PRKG1: variants seen among roughly 807,000 people sequenced by gnomAD.
PRKG1 encodes protein kinase cGMP-dependent 1.
PRKG1 carries 35 observed loss-of-function variants against 88.1 expected under a neutral mutation model. The ratio of observed to expected loss-of-function variants is 0.40; its 90% CI spans 0.30 to 0.53. The LOEUF (loss-of-function observed/expected upper bound fraction) is 0.53. Among genes scored for constraint, PRKG1 ranks in the 20% least tolerant of loss-of-function variants. PRKG1 has a pLI of 0.59. For synonymous variants in PRKG1, 303 were observed against 292.5 expected, an observed-to-expected ratio of 1.04 and a Z score of -0.37; for missense variants, 540 against 839.8, an observed-to-expected ratio of 0.64 and a Z score of 4.41.
chr10:52,175,791 T>G (rs1838848721), intron 9 of PRKG1, among the ~76,000 whole-genome samples: 1 of 152,190 alleles, frequency 6.6e-6, no homozygotes, highest in Non-Finnish European at 1.5e-5. Context: ...TTTGTATGTC[T>G]TCTGTTGAAA....
chr10:51,273,434 G>A (rs1445984453), intron 2 of PRKG1, among the ~76,000 whole-genome samples: 2 of 152,090 alleles, frequency 1.3e-5, no homozygotes, highest in Admixed American at 6.5e-5. Context: ...AGAGGTGGGA[G>A]GATCGCTGGA....
chr10:51,818,307 T>C (rs969707253), intron 4 of PRKG1, among the ~76,000 whole-genome samples: 4 of 152,300 alleles, frequency 2.6e-5, no homozygotes, highest in Admixed American at 2.6e-4. Context: ...GAGTCTTCAC[T>C]GTTTCTGACT....
At chr10:51,848,061 C>CA (rs938346772) in intron 4 of PRKG1, among the ~76,000 whole-genome samples, 35 of 428 alleles carry the variant, frequency 0.082, no homozygotes, top group African/African-American at 0.19. Flanking sequence ...AAGTGATAAC[C>CA]GGGGACCAAA....
intron 3 of PRKG1, among the ~76,000 whole-genome samples, chr10:51,573,061 C>T (rs1400166333): frequency 6.6e-6 from 1 of 151,814 alleles, no homozygotes; most frequent in Non-Finnish European, 1.5e-5. Context: ...ACTGATTAAA[C>T]TACAATCTCT....
At chr10:51,126,269 A>C (rs1392623739) in intron 1 of PRKG1, among the ~76,000 whole-genome samples, 1 of 114,276 alleles carries the variant, frequency 8.8e-6, no homozygotes, top group East Asian at 2.5e-4. Flanking sequence ...ATATTTATTT[A>C]TAATTATTTA....
intron 3 of PRKG1, among the ~76,000 whole-genome samples, chr10:51,749,613 G>A (rs1837668819): frequency 6.6e-6 from 1 of 152,172 alleles, no homozygotes; most frequent in African/African-American, 2.4e-5. Flanking sequence ...AATGGACAGG[G>A]AGGGTAAAAT....
intron 2 of PRKG1, among the ~76,000 whole-genome samples, chr10:51,433,848 T>C (rs1838844516): frequency 1.3e-5 from 2 of 152,286 alleles, no homozygotes; most frequent in East Asian, 1.9e-4. Flanking sequence ...AATAGACTGA[T>C]GGTATTAACC....
chr10:51,296,180 G>T (rs1330611990), intron 2 of PRKG1, among the ~76,000 whole-genome samples: 1 of 152,034 alleles, frequency 6.6e-6, no homozygotes, highest in African/African-American at 2.4e-5. Context: ...GATGGTCCTG[G>T]CCTCATAAGA....
chr10:51,111,745 A>G (rs1175809337), intron 1 of PRKG1, among the ~76,000 whole-genome samples: 1 of 152,172 alleles, frequency 6.6e-6, no homozygotes, highest in African/African-American at 2.4e-5. Context: ...CATATTTTAA[A>G]AGAGATATTT....
chr10:51,107,220 A>G (rs1242244216), intron 1 of PRKG1, among the ~76,000 whole-genome samples: 1 of 152,150 alleles, frequency 6.6e-6, no homozygotes, highest in Non-Finnish European at 1.5e-5. Flanking sequence ...ACAGTGAGTG[A>G]GTGGGAATGC....
intron 1 of PRKG1, among the ~76,000 whole-genome samples, chr10:51,112,195 G>A (rs965873010): frequency 6.6e-6 from 1 of 152,072 alleles, no homozygotes; most frequent in Non-Finnish European, 1.5e-5. Flanking sequence ...AATTGCAGTG[G>A]TAAGCACTAG....
chr10:51,999,508 A>G (rs1844539318), intron 5 of PRKG1, among the ~76,000 whole-genome samples: 1 of 152,196 alleles, frequency 6.6e-6, no homozygotes, highest in South Asian at 2.1e-4. Flanking sequence ...CATTGTTATT[A>G]CTTTTTAAAC....
intron 3 of PRKG1, among the ~76,000 whole-genome samples, chr10:51,727,808 A>G (rs1014808023): frequency 6.6e-6 from 1 of 152,194 alleles, no homozygotes; most frequent in Non-Finnish European, 1.5e-5. Context: ...GGGAGTTATT[A>G]TATTTTAATA....
At position 51,128,378 on chromosome 10, in the gene PRKG1, A is replaced by G. The variant is rs543391562; in HGVS notation, c.312-24786A>G. 2.0e-4 allele frequency among the ~76,000 whole-genome samples: 31 copies of G among 152,330 alleles called. No homozygotes were observed. The East Asian group carries it at 3.3e-3, about 16-fold the overall frequency. ...ATTCTAATGTTTTAAGAATACGTTC[A>G]TTATTTTTATCAGTATTTTTGTGTG... On this transcript the variant is annotated intron_variant, in intron 1 of 17. Coordinates refer to ENST00000373980, the MANE Select transcript of PRKG1 (RefSeq NM_006258.4).
intron 3 of PRKG1, among the ~76,000 whole-genome samples, chr10:51,739,844 A>T: frequency 6.6e-6 from 1 of 152,136 alleles, no homozygotes; most frequent in Non-Finnish European, 1.5e-5. Flanking sequence ...GTGGTGGCGC[A>T]TGCCTGTAGT....
chr10:51,835,610 A>G (rs1840112700), intron 4 of PRKG1, among the ~76,000 whole-genome samples: 1 of 152,236 alleles, frequency 6.6e-6, no homozygotes, highest in African/African-American at 2.4e-5. Context: ...GTTATCAATT[A>G]TATCACATTT....
In PRKG1 at chr10:52,054,486, C is replaced by T; in HGVS notation, c.765C>T (p.Thr255=). The change falls in exon 6 of 18, where the codon ACC becomes ACT. Residue 255 remains threonine (T), a splice_region_variant and synonymous_variant. Coordinates refer to ENST00000373980, the MANE Select transcript of PRKG1 (RefSeq NM_006258.4). The part of the protein sequence containing the change: ...LSKLADVLEE[T]HYENGEYIIR... Reference sequence around the variant, plus strand: ...TTCTTATTGTTTCTACTTTTCAGACCCACTATGAAAATGGAGAATATATTA... The same window carrying T: ...TTCTTATTGTTTCTACTTTTCAGACTCACTATGAAAATGGAGAATATATTA... 6.2e-7 allele frequency: 1 copy of T among 1,611,534 alleles called. No individual in the cohort carries two copies. Among genetic ancestry groups the T allele is most frequent in the Non-Finnish European group, 8.5e-7 (1 of 1,178,292 alleles).
At position 51,519,054 on chromosome 10, in the gene PRKG1, C is replaced by A. The variant is rs1202806189; in HGVS notation, c.592+51218C>A. On this transcript the variant is annotated intron_variant, in intron 3 of 17. Transcript: ENST00000373980. ...AGCATCGAAAATATTTAAAACCAATCTTCCATTATTATTCAGATAACAATA... is the reference window on the plus strand; with the variant it reads ...AGCATCGAAAATATTTAAAACCAATATTCCATTATTATTCAGATAACAATA... Among the ~76,000 whole-genome samples, 3 of 152,186 alleles carry A rather than the reference C, an allele frequency of 2.0e-5. No individual in the cohort carries two copies. In the East Asian group the frequency reaches 5.8e-4, roughly 29 times the overall value.
intron 2 of PRKG1, among the ~76,000 whole-genome samples, chr10:51,244,406 C>T (rs1244031563): frequency 6.6e-6 from 1 of 150,862 alleles, no homozygotes; most frequent in Non-Finnish European, 1.5e-5. Context: ...TCTGAGGTCA[C>T]CCTCATGTCT....
Sources: allele counts gnomAD v4.1 joint callset (sites outside exome capture counted in the v4.1 genomes callset), GRCh38; gene constraint gnomAD v4.1.1; transcripts MANE v1.5; gene names NCBI Gene and HGNC (gene_info 2026-07-23, HGNC 2026-07-21).